Variants in KCNH7 observed in about 807,000 individuals in gnomAD.
KCNH7 encodes the protein potassium voltage-gated channel subfamily H member 7, also known as voltage-gated inwardly rectifying potassium channel KCNH7.
Under a neutral mutation model 120.8 loss-of-function variants are expected in KCNH7, and 49 were observed. The observed-to-expected ratio is 0.41, with a 90% confidence interval of 0.32 to 0.51. The LOEUF (loss-of-function observed/expected upper bound fraction) is 0.51, where lower values mean the gene tolerates loss of function less well. KCNH7 is among the 20% of genes least tolerant of loss of function. The pLI is 0.38. For missense variants in KCNH7, 1,097 were observed against 1,446.6 expected, an observed-to-expected ratio of 0.76 and a Z score of 3.92; for synonymous variants, 547 against 516.1, an observed-to-expected ratio of 1.06 and a Z score of -0.81.
intron 2 of KCNH7, among the ~76,000 whole-genome samples, chr2:162,621,666 T>C (rs1182782678): frequency 6.6e-5 from 10 of 152,164 alleles, no homozygotes; most frequent in South Asian, 2.1e-4. Context: ...TCTGTGCCAG[T>C]GTGTATATGT....
intron 2 of KCNH7, among the ~76,000 whole-genome samples, chr2:162,707,366 T>C (rs960256232): frequency 2.6e-5 from 4 of 152,090 alleles, no homozygotes; most frequent in Non-Finnish European, 5.9e-5. Context: ...CTAATAGATA[T>C]CATTCTATTT....
chr2:162,831,924 A>C (rs758494506), intron 2 of KCNH7, among the ~76,000 whole-genome samples: 1 of 152,154 alleles, frequency 6.6e-6, no homozygotes, highest in Non-Finnish European at 1.5e-5. Flanking sequence ...CAGTTTTAGG[A>C]CATTTGGTTT....
intron 6 of KCNH7, among the ~76,000 whole-genome samples, chr2:162,461,708 G>A (rs528176615): frequency 3.3e-5 from 5 of 152,240 alleles, no homozygotes; most frequent in Admixed American, 6.5e-5. Flanking sequence ...TTTGGGCCAC[G>A]TACAAAGTGG....
At chr2:162,376,120 G>A (rs1345467750) in intron 14 of KCNH7, among the ~76,000 whole-genome samples, 1 of 152,066 alleles carries the variant, frequency 6.6e-6, no homozygotes, top group Non-Finnish European at 1.5e-5. Context: ...CAGGCACAAT[G>A]TTAGGTAGGA....
At chr2:162,730,193 T>C (rs1159095495) in intron 2 of KCNH7, among the ~76,000 whole-genome samples, 2 of 150,612 alleles carry the variant, frequency 1.3e-5, no homozygotes, top group Admixed American at 1.3e-4. Flanking sequence ...GAACCATGGA[T>C]CCAAAATATA....
chr2:162,555,839 G>A (rs989990763), intron 2 of KCNH7, among the ~76,000 whole-genome samples: 1 of 151,980 alleles, frequency 6.6e-6, no homozygotes, highest in African/African-American at 2.4e-5. Context: ...ATCTACTTGA[G>A]TAAAAGTCTT....
chr2:162,670,786 A>T (rs1212023186), intron 2 of KCNH7, among the ~76,000 whole-genome samples: 1 of 152,088 alleles, frequency 6.6e-6, no homozygotes, highest in Non-Finnish European at 1.5e-5. Flanking sequence ...ATTTCCAAAA[A>T]GGTGGAAAAA....
At chr2:162,696,740 A>G (rs1686303660) in intron 2 of KCNH7, among the ~76,000 whole-genome samples, 1 of 152,218 alleles carries the variant, frequency 6.6e-6, no homozygotes, top group Non-Finnish European at 1.5e-5. Context: ...GAAGCTAGCA[A>G]GAACTGGTCA....
At position 162,784,251 on chromosome 2, in the gene KCNH7, T is replaced by A. The variant is rs912947158; in HGVS notation, c.307+52286A>T. ...GCTGATGTATGTTCAACATTCCCTA[T>A]CACATTGTTTTATTTAATCTTCATG... On this transcript the variant is annotated intron_variant, in intron 2 of 15. Transcript: ENST00000332142. Among the ~76,000 whole-genome samples, 6 of 152,276 alleles carry A rather than the reference T, an allele frequency of 3.9e-5. No individual in the cohort carries two copies. In the East Asian group the frequency reaches 1.2e-3, roughly 29 times the overall value.
chr2:162,681,810 ATTTT>A (rs71410025), intron 2 of KCNH7, among the ~76,000 whole-genome samples: 1 of 141,190 alleles, frequency 7.1e-6, no homozygotes. Flanking sequence ...GGGGTCTGTG[ATTTT>A]TTTTTTTTTT....
chr2:162,608,116 A>G (rs1682842294), intron 2 of KCNH7, among the ~76,000 whole-genome samples: 1 of 152,170 alleles, frequency 6.6e-6, no homozygotes, highest in Admixed American at 6.5e-5. Context: ...TTTACAAAGT[A>G]TGTTTACAAA....
intron 2 of KCNH7, among the ~76,000 whole-genome samples, chr2:162,697,691 C>T (rs1686343270): frequency 6.6e-6 from 1 of 152,006 alleles, no homozygotes; most frequent in Non-Finnish European, 1.5e-5. Flanking sequence ...ATTCATAATG[C>T]TAAACATTTG....
chr2:162,767,037 G>A (rs932309466), intron 2 of KCNH7, among the ~76,000 whole-genome samples: 1 of 151,994 alleles, frequency 6.6e-6, no homozygotes, highest in Non-Finnish European at 1.5e-5. Flanking sequence ...TTTATGAAGA[G>A]CATCCTTTCT....
chr2:162,776,548 GAGA>G (rs1683246405), intron 2 of KCNH7, among the ~76,000 whole-genome samples: 1 of 152,070 alleles, frequency 6.6e-6, no homozygotes, highest in Non-Finnish European at 1.5e-5. Flanking sequence ...GAGAAAGAAA[GAGA>G]AGGAGAGAAA....
chr2:162,412,710 G>A lies in KCNH7; in HGVS notation c.2154+10626C>T, dbSNP rs368003985. ...AATAGAACATGACTTTCTGGAAAAT[G>A]TCATATAAGCTGTGTAATGTCCAGA... On this transcript the variant is annotated intron_variant, in intron 9 of 15. Transcript: ENST00000332142. Among the ~76,000 whole-genome samples the A allele has an allele frequency of 7.2e-5, 11 of 152,220 alleles. No individual in the cohort carries two copies. In the South Asian group the frequency reaches 1.9e-3, roughly 26 times the overall value.
intron 6 of KCNH7, among the ~76,000 whole-genome samples, chr2:162,490,212 T>C (rs1476186743): frequency 1.3e-5 from 2 of 152,222 alleles, no homozygotes; most frequent in African/African-American, 4.8e-5. Flanking sequence ...ATGCCCGCAG[T>C]GGCCTAAGGG....
At chr2:162,607,697 T>C (rs1271122273) in intron 2 of KCNH7, among the ~76,000 whole-genome samples, 11 of 152,150 alleles carry the variant, frequency 7.2e-5, no homozygotes, top group Non-Finnish European at 1.6e-4. Context: ...TTATTAACAG[T>C]TAATATTTCA....
intron 6 of KCNH7, among the ~76,000 whole-genome samples, chr2:162,479,790 C>A (rs907385355): frequency 2.4e-4 from 37 of 151,968 alleles, no homozygotes; most frequent in African/African-American, 8.7e-4. Flanking sequence ...CCGAGGATGC[C>A]TTTGGAGAAG....
intron 4 of KCNH7, 138 bp downstream of exon 4, chr2:162,517,592 G>A: frequency 4.5e-6 from 3 of 667,530 alleles, no homozygotes; most frequent in Non-Finnish European, 7.2e-6. Flanking sequence ...CTGAGTGTAG[G>A]ACTCAGGTTT....
Sources: gnomAD v4.1 joint callset for allele counts (sites outside exome capture counted in the v4.1 genomes callset) on GRCh38, gnomAD v4.1.1 for gene constraint, MANE v1.5 for transcripts, NCBI Gene and HGNC (gene_info 2026-07-23, HGNC 2026-07-21) for gene names.